The following MALRD1 variants were observed in gnomAD, a reference collection of about 807,000 sequenced individuals.
MALRD1 encodes MAM and LDL receptor class A domain containing 1, also known as MAM and LDL-receptor class A domain-containing protein 1.
Under a neutral mutation model 242.1 loss-of-function variants are expected in MALRD1, and 247 were observed. The ratio of observed to expected loss-of-function variants is 1.02; its 90% CI spans 0.92 to 1.13. The LOEUF is 1.13. Among genes scored for constraint, MALRD1 ranks in the 50% most tolerant of loss-of-function variants. The pLI, the probability that MALRD1 is intolerant of heterozygous loss-of-function variation, is 0.00. For synonymous variants in MALRD1, 995 were observed against 866.6 expected (o/e 1.15, Z -2.60); for missense variants, 2,989 against 2,533.1 (o/e 1.18, Z -3.86).
At position 19,048,843 on chromosome 10, in the gene MALRD1, A is replaced by G. The variant is rs887060391; in HGVS notation, c.-96A>G. ...CCAATAGTATCCAGTTATAAGAAGC[A>G]AATCTGGGAAAGGAAGAATAGAGAA... On this transcript the variant is annotated 5_prime_UTR_variant, in exon 1 of 40. Coordinates refer to ENST00000454679, the MANE Select transcript of MALRD1 (RefSeq NM_001142308.3). 1.0e-6 allele frequency: 1 copy of G among 997,862 alleles called. No individual in the cohort carries two copies. The allele number at this position is 997,862 out of a possible 1,614,324, so 61.8% of individuals were successfully genotyped here.
intron 2 of MALRD1, among the ~76,000 whole-genome samples, chr10:19,087,469 A>C (rs977369655): frequency 2.6e-5 from 4 of 151,996 alleles, no homozygotes; most frequent in African/African-American, 9.7e-5. Flanking sequence ...TAATCTAGTG[A>C]GGATGTGGGC....
At chr10:19,519,685 G>A (rs1450991131) in intron 31 of MALRD1, among the ~76,000 whole-genome samples, 1 of 152,096 alleles carries the variant, frequency 6.6e-6, no homozygotes, top group African/African-American at 2.4e-5. Context: ...GATTGCTTGA[G>A]CACAGGAGGT....
intron 18 of MALRD1, among the ~76,000 whole-genome samples, chr10:19,234,202 G>A (rs553082782): frequency 6.6e-6 from 1 of 151,788 alleles, no homozygotes; most frequent in East Asian, 1.9e-4. Context: ...TCTATAAATT[G>A]TTTCTAATTC....
At chr10:19,538,952 A>G (rs556536802) in intron 32 of MALRD1, among the ~76,000 whole-genome samples, 27 of 152,320 alleles carry the variant, frequency 1.8e-4, no homozygotes, top group African/African-American at 6.3e-4. Context: ...AATGAGTTTC[A>G]GTAAAACCCA....
chr10:19,670,234 C>T (rs1229518811), intron 36 of MALRD1, among the ~76,000 whole-genome samples: 1 of 152,078 alleles, frequency 6.6e-6, no homozygotes, highest in Non-Finnish European at 1.5e-5. Flanking sequence ...CCCCTCAATC[C>T]TCCCACTCCA....
At chr10:19,341,432 C>T (rs1372022429) in intron 24 of MALRD1, among the ~76,000 whole-genome samples, 1 of 98,990 alleles carries the variant, frequency 1.0e-5, no homozygotes, top group African/African-American at 4.2e-5. Flanking sequence ...TAAAATAACA[C>T]TATATGTATA....
intron 26 of MALRD1, among the ~76,000 whole-genome samples, chr10:19,355,858 T>TCATATATATATATATA (rs57813656): frequency 1.1e-5 from 1 of 94,924 alleles, no homozygotes; most frequent in African/African-American, 3.7e-5. Context: ...TATATATATA[T>TCATATATATATATATA]TATATATGAT....
At chr10:19,276,440 A>T (rs1046467009) in intron 19 of MALRD1, among the ~76,000 whole-genome samples, 9 of 152,162 alleles carry the variant, frequency 5.9e-5, no homozygotes, top group African/African-American at 2.2e-4. Flanking sequence ...AATTTGTTCC[A>T]TATATTCCAC....
chr10:19,419,199 G>C, intron 28 of MALRD1, among the ~76,000 whole-genome samples: 1 of 151,952 alleles, frequency 6.6e-6, no homozygotes, highest in East Asian at 1.9e-4. Context: ...ACACTTTCCT[G>C]GTTTAAAACA....
chr10:19,288,290 T>C (rs1841236284), intron 21 of MALRD1, among the ~76,000 whole-genome samples: 1 of 152,036 alleles, frequency 6.6e-6, no homozygotes, highest in Non-Finnish European at 1.5e-5. Flanking sequence ...TAAGCATTTA[T>C]CCTTTGAGTT....
At chr10:19,435,595 A>T (rs1834322549) in intron 28 of MALRD1, among the ~76,000 whole-genome samples, 1 of 152,144 alleles carries the variant, frequency 6.6e-6, no homozygotes, top group Non-Finnish European at 1.5e-5. Context: ...TTGGGGTAAT[A>T]TGTTGGAGAA....
At chr10:19,076,835 G>C (rs1835334627) in intron 2 of MALRD1, among the ~76,000 whole-genome samples, 2 of 151,794 alleles carry the variant, frequency 1.3e-5, no homozygotes, top group Non-Finnish European at 2.9e-5. Flanking sequence ...CAAAAATGGT[G>C]GTTGGAATTT....
At chr10:19,600,016 C>T (rs919537533) in intron 34 of MALRD1, among the ~76,000 whole-genome samples, 2 of 152,074 alleles carry the variant, frequency 1.3e-5, no homozygotes, top group African/African-American at 4.8e-5. Context: ...TGGAAACTAT[C>T]CATCAGTGAC....
intron 32 of MALRD1, among the ~76,000 whole-genome samples, chr10:19,546,927 T>C (rs1309156829): frequency 6.6e-6 from 1 of 152,302 alleles, no homozygotes; most frequent in Admixed American, 6.5e-5. Context: ...TTTACAACTT[T>C]TGAAGAACCT....
chr10:19,191,782 G>A (rs1835986166), intron 14 of MALRD1, among the ~76,000 whole-genome samples: 1 of 152,146 alleles, frequency 6.6e-6, no homozygotes, highest in Admixed American at 6.6e-5. Flanking sequence ...TGGATCACCT[G>A]AGGTCAGGAG....
chr10:19,231,797 T>G (rs1838091141), intron 18 of MALRD1, among the ~76,000 whole-genome samples: 1 of 152,100 alleles, frequency 6.6e-6, no homozygotes, highest in Admixed American at 6.6e-5. Context: ...GTACAGTCTG[T>G]TCTGTAAGCC....
In MALRD1 at chr10:19,531,248, T is replaced by C; in HGVS notation, c.5375T>C (p.Val1792Ala). 6.4e-7 allele frequency: 1 copy of C among 1,550,522 alleles called. No individual in the cohort carries two copies. The highest frequency in any genetic ancestry group is 8.7e-7 in the Non-Finnish European group (1 of 1,146,922). Residue 1792 changes from valine (V) to alanine (A), a missense_variant, in exon 32 of 40, where the codon GTT (valine) becomes GCT (alanine). Physicochemically the swap from Val to Ala is moderately conservative, Grantham distance 64. Transcript: ENST00000454679. ...TCATCTGGCTCCAAGGAAGGATCCG[T>C]TGCCAGAATTACTACTTCCAAATCC... ...VNSSGSKEGS[V>A]ARITTSKSFP...
intron 36 of MALRD1, among the ~76,000 whole-genome samples, chr10:19,636,156 T>G (rs1840116113): frequency 6.6e-6 from 1 of 152,128 alleles, no homozygotes; most frequent in South Asian, 2.1e-4. Context: ...ACCATGGAAT[T>G]CTCTCAGGAC....
chr10:19,088,250 G>C (rs1443580999), intron 4 of MALRD1, 65 bp downstream of exon 4: 1 of 1,205,140 alleles, frequency 8.3e-7, no homozygotes, highest in African/African-American at 1.6e-5. Context: ...TTTAACACCA[G>C]GTGAACTAAA....
Sources: gnomAD v4.1 joint callset for allele counts (sites outside exome capture counted in the v4.1 genomes callset) on GRCh38, gnomAD v4.1.1 for gene constraint, MANE v1.5 for transcripts, NCBI Gene and HGNC (gene_info 2026-07-23, HGNC 2026-07-21) for gene names.